The following LDLRAD3 variants were observed in gnomAD, a reference collection of about 807,000 sequenced individuals.
LDLRAD3 encodes the protein low-density lipoprotein receptor class A domain-containing protein 3.
In LDLRAD3, 20 loss-of-function variants were observed where a neutral mutation model predicts 29.4. The ratio of observed to expected loss-of-function variants is 0.68; its 90% CI spans 0.48 to 0.99. The LOEUF (loss-of-function observed/expected upper bound fraction) is 0.99, where lower values mean the gene tolerates loss of function less well. LDLRAD3 is among the 50% of genes least tolerant of loss of function. LDLRAD3 has a pLI of 0.00. For synonymous variants in LDLRAD3, 157 were observed against 192.7 expected (o/e 0.81, Z 1.53); for missense variants, 420 against 454.3 (o/e 0.92, Z 0.69).
At chr11:36,040,806 A>G (rs996671889) in intron 2 of LDLRAD3, among the ~76,000 whole-genome samples, 7 of 152,206 alleles carry the variant, frequency 4.6e-5, no homozygotes, top group African/African-American at 1.7e-4. Context: ...TGTGAAAACT[A>G]TGACTTTATT....
chr11:35,969,985 G>T (rs1017913510), intron 1 of LDLRAD3, among the ~76,000 whole-genome samples: 1 of 152,132 alleles, frequency 6.6e-6, no homozygotes, highest in African/African-American at 2.4e-5. Context: ...TTGTTTTTAT[G>T]AGGAGCAAAG....
At chr11:36,013,667 A>G (rs935209879) in intron 1 of LDLRAD3, among the ~76,000 whole-genome samples, 2 of 152,082 alleles carry the variant, frequency 1.3e-5, no homozygotes, top group Non-Finnish European at 2.9e-5. Context: ...ATAGTATTCC[A>G]TGGTATATAT....
chr11:36,039,021 A>G (rs138275246), intron 2 of LDLRAD3, among the ~76,000 whole-genome samples: 28 of 148,838 alleles, frequency 1.9e-4, no homozygotes, highest in Middle Eastern at 3.4e-3. Flanking sequence ...CCAGGCTGGA[A>G]TGCAGTGGCG....
chr11:36,084,172 G>A (rs765328279), intron 3 of LDLRAD3, among the ~76,000 whole-genome samples: 14 of 152,046 alleles, frequency 9.2e-5, no homozygotes, highest in South Asian at 6.2e-4. Context: ...CAATCCTCCC[G>A]CCTTGGGTTC....
chr11:36,138,951 AC>A (rs901805426), intron 4 of LDLRAD3, among the ~76,000 whole-genome samples: 43 of 152,306 alleles, frequency 2.8e-4, no homozygotes, highest in African/African-American at 9.1e-4. Flanking sequence ...TTCTTCTCCC[AC>A]CCATTATGCC....
chr11:35,948,801 T>TG (rs1342439564), intron 1 of LDLRAD3, among the ~76,000 whole-genome samples: 3 of 152,246 alleles, frequency 2.0e-5, no homozygotes, highest in African/African-American at 7.2e-5. Context: ...CACCTTGGCC[T>TG]GGATAGTTCT....
chr11:36,016,971 T>C (rs1852030804), intron 1 of LDLRAD3, among the ~76,000 whole-genome samples: 1 of 152,242 alleles, frequency 6.6e-6, no homozygotes, highest in Non-Finnish European at 1.5e-5. Flanking sequence ...ATATAAACTT[T>C]ACTCCTCAAC....
chr11:35,961,377 A>T (rs2133135699), intron 1 of LDLRAD3, among the ~76,000 whole-genome samples: 1 of 152,318 alleles, frequency 6.6e-6, no homozygotes, highest in African/African-American at 2.4e-5. Flanking sequence ...CTGAGGTCAG[A>T]TCCTGGCTGC....
intron 4 of LDLRAD3, among the ~76,000 whole-genome samples, chr11:36,104,291 A>G (rs542968443): frequency 6.4e-4 from 97 of 152,344 alleles, no homozygotes; most frequent in Admixed American, 1.4e-3. Flanking sequence ...AAACAGAGAC[A>G]TCTGCAGCCC....
chr11:36,102,121 C>T (rs1318154390), intron 4 of LDLRAD3: 3 of 174,966 alleles, frequency 1.7e-5, no homozygotes, highest in Non-Finnish European at 3.7e-5. Flanking sequence ...ATCTCCTGAC[C>T]TCGTGATCCA....
intron 1 of LDLRAD3, among the ~76,000 whole-genome samples, chr11:35,953,837 G>A (rs1851168067): frequency 6.6e-6 from 1 of 152,078 alleles, no homozygotes; most frequent in African/African-American, 2.4e-5. Context: ...ACTAAATAAG[G>A]TGTTTCAAAA....
intron 2 of LDLRAD3, among the ~76,000 whole-genome samples, chr11:36,062,659 T>A (rs1229870803): frequency 6.6e-6 from 1 of 152,192 alleles, no homozygotes; most frequent in East Asian, 1.9e-4. Context: ...CATGCTGTTC[T>A]CATGACAGTG....
intron 1 of LDLRAD3, among the ~76,000 whole-genome samples, chr11:36,012,166 C>T (rs1390040175): frequency 3.3e-5 from 5 of 152,120 alleles, no homozygotes; most frequent in African/African-American, 4.8e-5. Flanking sequence ...TGCCTGAAAC[C>T]GAATATAGTA....
chr11:36,019,835 G>A (rs188072471), intron 1 of LDLRAD3, among the ~76,000 whole-genome samples: 43 of 152,294 alleles, frequency 2.8e-4, no homozygotes, highest in African/African-American at 9.9e-4. Flanking sequence ...TGGAGGACTG[G>A]AGGCGTGACT....
chr11:36,180,688 G>T (rs1854748259), intron 4 of LDLRAD3, among the ~76,000 whole-genome samples: 1 of 152,046 alleles, frequency 6.6e-6, no homozygotes, highest in Non-Finnish European at 1.5e-5. Flanking sequence ...GTTGAGAATA[G>T]ACTGCAGAGG....
chr11:36,081,705 C>A lies in LDLRAD3; in HGVS notation c.246C>A (p.Ile82=). ...GPTFFPCASG[I]HCIIGRFRCN... Reference sequence around the variant, plus strand: ...CCTTCTTCCCCTGTGCCAGCGGCATCCATTGCATCATTGGTCGCTTCCGGT... The same window carrying A: ...CCTTCTTCCCCTGTGCCAGCGGCATACATTGCATCATTGGTCGCTTCCGGT... Residue 82 remains isoleucine, a synonymous_variant, in exon 3 of 6, where the codon ATC becomes ATA. Coordinates refer to ENST00000315571, the MANE Select transcript of LDLRAD3 (RefSeq NM_174902.4). The A allele has an allele frequency of 6.2e-7, 1 of 1,614,236 alleles. No individual in the cohort carries two copies. Among genetic ancestry groups the A allele is most frequent in the Non-Finnish European group, 8.5e-7 (1 of 1,180,036 alleles).
intron 4 of LDLRAD3, among the ~76,000 whole-genome samples, chr11:36,181,908 C>T (rs1290581858): frequency 6.6e-6 from 1 of 152,070 alleles, no homozygotes; most frequent in Non-Finnish European, 1.5e-5. Context: ...CTGTCTCTCA[C>T]ACTTTCTCTC....
chr11:36,061,612 T>C (rs1852701501), intron 2 of LDLRAD3, among the ~76,000 whole-genome samples: 1 of 152,238 alleles, frequency 6.6e-6, no homozygotes, highest in South Asian at 2.1e-4. Flanking sequence ...TAGGCTGTCA[T>C]CATGCCCTGT....
At chr11:36,187,418 A>C (rs1376189084) in intron 4 of LDLRAD3, among the ~76,000 whole-genome samples, 1 of 152,216 alleles carries the variant, frequency 6.6e-6, no homozygotes, top group East Asian at 1.9e-4. Flanking sequence ...ATATAGGGTT[A>C]TGTTGTTTTA....
Sources: allele counts gnomAD v4.1 joint callset (sites outside exome capture counted in the v4.1 genomes callset), GRCh38; gene constraint gnomAD v4.1.1; transcripts MANE v1.5; gene names NCBI Gene and HGNC (gene_info 2026-07-23, HGNC 2026-07-21).